Variants in RALGAPA2 observed in about 807,000 individuals in gnomAD.
The protein encoded by RALGAPA2 is Ral GTPase activating protein catalytic subunit alpha 2, also known as ral GTPase-activating protein subunit alpha-2.
A neutral mutation model predicts 230.4 loss-of-function variants in RALGAPA2; 139 were observed. That is an observed-to-expected ratio of 0.60 (90% CI 0.53 to 0.69). RALGAPA2 has a LOEUF of 0.69. RALGAPA2 is among the 30% of genes least tolerant of loss of function. The pLI is 0.00. For synonymous variants in RALGAPA2, 847 were observed against 837.8 expected (o/e 1.01, Z -0.19); for missense variants, 2,163 against 2,276.0 (o/e 0.95, Z 1.01).
intron 37 of RALGAPA2, among the ~76,000 whole-genome samples, chr20:20,426,550 C>T (rs1015550472): frequency 4.6e-5 from 7 of 152,302 alleles, no homozygotes; most frequent in Admixed American, 1.3e-4. Flanking sequence ...GGTCATACAG[C>T]CCTGTGATGC....
chr20:20,468,198 C>T (rs1353583697), intron 37 of RALGAPA2, among the ~76,000 whole-genome samples: 1 of 152,140 alleles, frequency 6.6e-6, no homozygotes, highest in Non-Finnish European at 1.5e-5. Flanking sequence ...TGTCTGCCAG[C>T]CAGGAATTTA....
In RALGAPA2 at chr20:20,437,474, A is replaced by G. The variant is rs1175844616; in HGVS notation, c.5496-25326T>C. Among the ~76,000 whole-genome samples the G allele has an allele frequency of 2.0e-5, 3 of 152,166 alleles. No individual in the cohort carries two copies. Among genetic ancestry groups the G allele is most frequent in the Non-Finnish European group, 4.4e-5 (3 of 68,026 alleles). ...GTGCCGTCCTCCGTTCAGCCTTCAG[A>G]TGGCTCCCACCTCACAGGAAAAGCG... is the stretch of plus-strand genomic sequence containing the variant. On this transcript the variant is annotated intron_variant, in intron 37 of 39. Transcript: ENST00000202677. The surrounding 1 kb of genome is among the most constrained non-coding windows in gnomAD (Gnocchi z 4.1).
intron 7 of RALGAPA2, among the ~76,000 whole-genome samples, chr20:20,638,991 G>A (rs999472393): frequency 7.2e-5 from 11 of 152,310 alleles, no homozygotes; most frequent in East Asian, 3.9e-4. Context: ...TCATGAAGGA[G>A]GGGTAGTTAA....
At chr20:20,544,341 A>G (rs1356916146) in intron 24 of RALGAPA2, among the ~76,000 whole-genome samples, 1 of 151,008 alleles carries the variant, frequency 6.6e-6, no homozygotes, top group East Asian at 1.9e-4. Context: ...TCTGTCTCAA[A>G]AAAAAAAAAA....
At chr20:20,411,946 A>G in intron 38 of RALGAPA2, 81 bp downstream of exon 38, 1 of 1,551,832 alleles carries the variant, frequency 6.4e-7, no homozygotes, top group Non-Finnish European at 8.9e-7. Flanking sequence ...TTTGCAAAGC[A>G]TTTATCTGTG....
At chr20:20,529,037 T>C (rs1159917598) in intron 27 of RALGAPA2, among the ~76,000 whole-genome samples, 4 of 152,062 alleles carry the variant, frequency 2.6e-5, no homozygotes, top group African/African-American at 4.8e-5. Flanking sequence ...TTATGTGCTA[T>C]GTCCTTAGGT....
At chr20:20,567,052 G>C (rs1023170903) in intron 23 of RALGAPA2, among the ~76,000 whole-genome samples, 7 of 152,138 alleles carry the variant, frequency 4.6e-5, no homozygotes, top group African/African-American at 1.7e-4. Flanking sequence ...ATTTAAAAGA[G>C]AATTTAACTT....
At chr20:20,478,089 G>A (rs966216046) in intron 36 of RALGAPA2, among the ~76,000 whole-genome samples, 4 of 152,076 alleles carry the variant, frequency 2.6e-5, no homozygotes, top group Non-Finnish European at 5.9e-5. Flanking sequence ...AAAAGCTATT[G>A]ACAACAAACA....
At chr20:20,543,283 G>A (rs1255496887) in intron 24 of RALGAPA2, among the ~76,000 whole-genome samples, 1 of 152,100 alleles carries the variant, frequency 6.6e-6, no homozygotes, top group African/African-American at 2.4e-5. Context: ...TTGACCTGAT[G>A]ATCTGTCTGC....
chr20:20,414,429 G>C (rs1013663476), intron 37 of RALGAPA2, among the ~76,000 whole-genome samples: 4 of 152,182 alleles, frequency 2.6e-5, no homozygotes, highest in African/African-American at 9.7e-5. Context: ...CTACTCTGCG[G>C]AAGCCACGTA....
chr20:20,589,377 G>T lies in RALGAPA2; in HGVS notation c.2342-12C>A. On this transcript the variant is annotated splice_polypyrimidine_tract_variant and intron_variant, in intron 17 of 39. Transcript: ENST00000202677. Reference sequence around the variant, plus strand: ...TTCTGCCTTTTGACCTAGAAATGGTGGGGCAGGGGGGTAGCGGAAATAGAA... The same window carrying T: ...TTCTGCCTTTTGACCTAGAAATGGTTGGGCAGGGGGGTAGCGGAAATAGAA... 1.3e-6 allele frequency: 2 copies of T among 1,570,438 alleles called. No homozygotes were observed. The highest frequency in any genetic ancestry group is 1.7e-6 in the Non-Finnish European group (2 of 1,155,888).
At chr20:20,709,091 G>A (rs2069732213) in intron 1 of RALGAPA2, among the ~76,000 whole-genome samples, 1 of 151,886 alleles carries the variant, frequency 6.6e-6, no homozygotes, top group Non-Finnish European at 1.5e-5. Flanking sequence ...GGCCGAGTCG[G>A]GCAGATCACC....
intron 23 of RALGAPA2, among the ~76,000 whole-genome samples, chr20:20,560,497 T>C (rs2064225065): frequency 6.6e-6 from 1 of 152,196 alleles, no homozygotes; most frequent in African/African-American, 2.4e-5. Context: ...TTGTTATGTA[T>C]TAAAAAGAAA....
chr20:20,564,962 AAGTT>A (rs2064368248), intron 23 of RALGAPA2, among the ~76,000 whole-genome samples: 2 of 152,216 alleles, frequency 1.3e-5, no homozygotes, highest in Non-Finnish European at 2.9e-5. Flanking sequence ...AGCTTTAACA[AAGTT>A]AGCCTTCTAA....
intron 12 of RALGAPA2, 64 bp downstream of exon 12, chr20:20,619,213 A>G: frequency 7.0e-7 from 1 of 1,437,278 alleles, no homozygotes; most frequent in African/African-American, 1.4e-5. Flanking sequence ...CCAATAAACA[A>G]AAAGACAAAA....
intron 36 of RALGAPA2, among the ~76,000 whole-genome samples, chr20:20,477,337 C>A (rs1411151863): frequency 2.0e-5 from 3 of 152,182 alleles, no homozygotes; most frequent in African/African-American, 7.2e-5. Flanking sequence ...AAAACACATT[C>A]ATTTCAAGCA....
intron 38 of RALGAPA2, among the ~76,000 whole-genome samples, chr20:20,397,128 G>A (rs2059734782): frequency 6.6e-6 from 1 of 152,210 alleles, no homozygotes; most frequent in Admixed American, 6.5e-5. Context: ...TTCAAGACAA[G>A]CATTTGAAAT....
At chr20:20,404,600 G>T (rs1045852853) in intron 38 of RALGAPA2, among the ~76,000 whole-genome samples, 3 of 152,124 alleles carry the variant, frequency 2.0e-5, no homozygotes, top group Admixed American at 2.0e-4. Context: ...GGAGCTTCAG[G>T]TTCTTCTGAA....
intron 34 of RALGAPA2, chr20:20,505,110 C>T (rs2062493456): frequency 5.1e-6 from 5 of 985,376 alleles, no homozygotes; most frequent in Non-Finnish European, 6.0e-6. Flanking sequence ...GCTTCTCTGC[C>T]CACATTTGTC....
Sources: allele counts gnomAD v4.1 joint callset (sites outside exome capture counted in the v4.1 genomes callset), GRCh38; gene constraint gnomAD v4.1.1; non-coding constraint Gnocchi (gnomAD v3.1); transcripts MANE v1.5; gene names NCBI Gene and HGNC (gene_info 2026-07-23, HGNC 2026-07-21).